Variants in LRCH1 observed in about 807,000 individuals in gnomAD.
LRCH1 encodes leucine rich repeats and calponin homology domain containing 1, also known as leucine-rich repeat and calponin homology domain-containing protein 1.
Under a neutral mutation model 94.9 loss-of-function variants are expected in LRCH1, and 23 were observed. The observed-to-expected ratio is 0.24, with a 90% CI of 0.17 to 0.34. The LOEUF (loss-of-function observed/expected upper bound fraction) is 0.34, where lower values mean the gene tolerates loss of function less well. LRCH1 is among the 10% of genes least tolerant of loss of function. LRCH1 has a pLI of 1.00. For missense variants in LRCH1, 790 were observed against 945.9 expected (o/e 0.84, Z 2.16); for synonymous variants, 364 against 354.9 (o/e 1.03, Z -0.29).
At chr13:46,577,177 A>G (rs370925538) in intron 1 of LRCH1, among the ~76,000 whole-genome samples, 1 of 151,640 alleles carries the variant, frequency 6.6e-6, no homozygotes, top group Admixed American at 6.6e-5. Flanking sequence ...GCTCACTGCA[A>G]CCTCCACCTC....
chr13:46,650,735 AAAAAAAAG>A (rs1252687471), intron 2 of LRCH1, among the ~76,000 whole-genome samples: 5 of 147,016 alleles, frequency 3.4e-5, no homozygotes, highest in Admixed American at 1.4e-4. Context: ...AAAAAAAAAA[AAAAAAAAG>A]AGAAAGCCTG....
chr13:46,553,224 G>GCC lies in LRCH1; in HGVS notation c.-172_-171dup. 9 of 558,762 alleles carry GCC rather than the reference G, an allele frequency of 1.6e-5. No homozygotes were observed. Among genetic ancestry groups the GCC allele is most frequent in the Admixed American group, 6.5e-5 (2 of 30,918 alleles). The allele number at this position is 558,762 out of a possible 1,614,324, so 34.6% of individuals were successfully genotyped here. ...CCTTCAAGACCGAGCTGCCACGGCC[G>GCC]CCTCCCCGCCCGCCCCCCATTCTAC... On this transcript the variant is annotated 5_prime_UTR_variant, in exon 1 of 20. Coordinates refer to ENST00000389797, the MANE Select transcript of LRCH1 (RefSeq NM_001164211.2).
chr13:46,744,499 G>A lies in LRCH1; in HGVS notation c.*2651G>A. Reference sequence around the variant, plus strand: ...ATGGATTTCTGGTTTGTTATTTTTAGGGAGAGACACTTATGAAATGGGGCT... The same window carrying A: ...ATGGATTTCTGGTTTGTTATTTTTAAGGAGAGACACTTATGAAATGGGGCT... On this transcript the variant is annotated 3_prime_UTR_variant, in exon 20 of 20. Transcript: ENST00000389797. 1 of 985,364 alleles carries A rather than the reference G, an allele frequency of 1.0e-6. No individual in the cohort carries two copies. Among genetic ancestry groups the A allele is most frequent in the Middle Eastern group, 5.2e-4 (1 of 1,914 alleles). The allele number at this position is 985,364 out of a possible 1,614,324, so 61.0% of individuals were successfully genotyped here. A position where few individuals can be genotyped will look rare whatever the true frequency, so the allele number is the denominator to read the frequency against.
intron 19 of LRCH1, among the ~76,000 whole-genome samples, chr13:46,740,771 A>G (rs1052194766): frequency 6.6e-6 from 1 of 152,216 alleles, no homozygotes; most frequent in South Asian, 2.1e-4. Flanking sequence ...ATGTGAGACA[A>G]TTGTTTGCTT....
intron 10 of LRCH1, among the ~76,000 whole-genome samples, chr13:46,700,673 GACTGAGAACC>G (rs1871416673): frequency 6.6e-6 from 1 of 152,174 alleles, no homozygotes; most frequent in African/African-American, 2.4e-5. Context: ...CTAGAGTTTG[GACTGAGAACC>G]ACTGTCCCAC....
In LRCH1 at chr13:46,741,630, C is replaced by T. The variant is rs780517060; in HGVS notation, c.2086-12C>T. The T allele has an allele frequency of 1.9e-6, 3 of 1,613,336 alleles. No individual in the cohort carries two copies. Among genetic ancestry groups the T allele is most frequent in the African/African-American group, 1.3e-5 (1 of 74,892 alleles). ...CTGTCTCTTTCTGTTCTAATGGCTGCCCTCGGAATAGGCTGACCTCTGCTC... is the reference window on the plus strand; with the variant it reads ...CTGTCTCTTTCTGTTCTAATGGCTGTCCTCGGAATAGGCTGACCTCTGCTC... On this transcript the variant is annotated splice_polypyrimidine_tract_variant and intron_variant, in intron 19 of 19. Coordinates refer to ENST00000389797, the MANE Select transcript of LRCH1 (RefSeq NM_001164211.2).
chr13:46,693,940 T>C (rs1824868300), intron 8 of LRCH1, among the ~76,000 whole-genome samples: 2 of 152,236 alleles, frequency 1.3e-5, no homozygotes, highest in African/African-American at 2.4e-5. Flanking sequence ...TTAAGTTCAC[T>C]CAAACCTTAG....
chr13:46,557,400 G>T (rs1264131276), intron 1 of LRCH1, among the ~76,000 whole-genome samples: 1 of 150,956 alleles, frequency 6.6e-6, no homozygotes, highest in African/African-American at 2.4e-5. Context: ...ATCTTTTTGA[G>T]TTGGCTCTAA....
In LRCH1 at chr13:46,695,087, G is replaced by C. The variant is rs140461326; in HGVS notation, c.1245+70G>C. 1.4e-4 allele frequency: 224 copies of C among 1,568,252 alleles called. 1 individual carries two copies. The Middle Eastern group carries it at 2.1e-3, about 14-fold the overall frequency. ...TGTTTGGCACCGTACAATTTAAGTT[G>C]AAGGTTGCCAATCCATCCCCTTCAA... On this transcript the variant is annotated intron_variant, in intron 9 of 19. Coordinates refer to ENST00000389797, the MANE Select transcript of LRCH1 (RefSeq NM_001164211.2).
At chr13:46,709,818 A>G (rs1043487680) in intron 13 of LRCH1, among the ~76,000 whole-genome samples, 1 of 152,092 alleles carries the variant, frequency 6.6e-6, no homozygotes, top group African/African-American at 2.4e-5. Context: ...CTTGGCAGAT[A>G]CATCTCTATG....
intron 1 of LRCH1, among the ~76,000 whole-genome samples, chr13:46,616,321 C>T (rs1022973207): frequency 1.3e-5 from 2 of 152,278 alleles, no homozygotes; most frequent in East Asian, 1.9e-4. Flanking sequence ...TTTTATGCTA[C>T]GGCGCCATAA....
intron 1 of LRCH1, among the ~76,000 whole-genome samples, chr13:46,587,156 A>G (rs1440412013): frequency 1.3e-5 from 2 of 152,230 alleles, no homozygotes; most frequent in African/African-American, 4.8e-5. Flanking sequence ...CACCCTACAG[A>G]CACTAGTTGT....
At chr13:46,746,295 A>G (rs1873906014), downstream of LRCH1, among the ~76,000 whole-genome samples, 1 of 152,196 alleles carries the variant, frequency 6.6e-6, no homozygotes, top group African/African-American at 2.4e-5. Context: ...TGTTGGTGCC[A>G]GGCACATAGG....
At chr13:46,555,702 G>C (rs1481831495) in intron 1 of LRCH1, among the ~76,000 whole-genome samples, 4 of 152,212 alleles carry the variant, frequency 2.6e-5, no homozygotes, top group Non-Finnish European at 5.9e-5. Flanking sequence ...TGGGGGAAGA[G>C]GAGTGGAGGG....
intron 19 of LRCH1, among the ~76,000 whole-genome samples, chr13:46,736,118 C>CTGTGTG (rs3138585): frequency 0.11 from 14,980 of 141,914 alleles, 836 homozygotes; most frequent in African/African-American, 0.14. Context: ...CAAATTTGCT[C>CTGTGTG]TGTGTGTGTG....
intron 3 of LRCH1, among the ~76,000 whole-genome samples, chr13:46,675,194 T>C (rs527405265): frequency 6.6e-6 from 1 of 152,354 alleles, no homozygotes; most frequent in South Asian, 2.1e-4. Context: ...TGTTAAGAGA[T>C]GCTGTATAAA....
At chr13:46,648,925 G>T (rs1041756338) in intron 1 of LRCH1, among the ~76,000 whole-genome samples, 1 of 151,888 alleles carries the variant, frequency 6.6e-6, no homozygotes, top group Non-Finnish European at 1.5e-5. Context: ...TTTCACTTTG[G>T]TCTATTTATA....
At chr13:46,618,112 A>G (rs1056420880) in intron 1 of LRCH1, among the ~76,000 whole-genome samples, 5 of 152,312 alleles carry the variant, frequency 3.3e-5, no homozygotes, top group African/African-American at 9.6e-5. Context: ...AGTGACTTAC[A>G]GAAACCTAGA....
At chr13:46,731,585 T>G (rs1873110948) in intron 18 of LRCH1, among the ~76,000 whole-genome samples, 1 of 152,228 alleles carries the variant, frequency 6.6e-6, no homozygotes. Flanking sequence ...TAGCCTGTTT[T>G]ATTATATTAT....
Sources: allele counts gnomAD v4.1 joint callset (sites outside exome capture counted in the v4.1 genomes callset), GRCh38; gene constraint gnomAD v4.1.1; transcripts MANE v1.5; gene names NCBI Gene and HGNC (gene_info 2026-07-23, HGNC 2026-07-21).